The following BTRC variants were observed in gnomAD, a reference collection of about 807,000 sequenced individuals.
BTRC encodes the protein beta-transducin repeat containing E3 ubiquitin protein ligase.
A neutral mutation model predicts 85.5 loss-of-function variants in BTRC; 42 were observed. The observed-to-expected ratio is 0.49, with a 90% confidence interval of 0.38 to 0.64. The LOEUF (loss-of-function observed/expected upper bound fraction) is 0.64. Among genes scored for constraint, BTRC ranks in the 30% least tolerant of loss-of-function variants. BTRC has a pLI of 0.00. For missense variants in BTRC, 594 were observed against 743.5 expected (o/e 0.80, Z 2.34); for synonymous variants, 255 against 263.3 (o/e 0.97, Z 0.30).
chr10:101,429,875 A>G (rs535470500), intron 1 of BTRC, among the ~76,000 whole-genome samples: 34 of 151,904 alleles, frequency 2.2e-4, no homozygotes, highest in African/African-American at 8.0e-4. Context: ...CTAAAAAAAA[A>G]AAAAACTCTC....
rs763270900 is a variant in BTRC at position 101,461,964 on chromosome 10, C to T, written c.157-17C>T. On this transcript the variant is annotated splice_polypyrimidine_tract_variant and intron_variant, in intron 2 of 14. Transcript: ENST00000370187. ...GAAGATAATGAGAACTGAATTAAAG[C>T]TTACTTTCTTTCACAGAATTCCTCA... The T allele has an allele frequency of 1.9e-6, 3 of 1,581,360 alleles. No individual in the cohort carries two copies. In the African/African-American group the frequency reaches 4.1e-5, roughly 21 times the overall value.
chr10:101,478,157 T>C (rs900421769), intron 3 of BTRC, among the ~76,000 whole-genome samples: 4 of 151,746 alleles, frequency 2.6e-5, no homozygotes, highest in Admixed American at 2.6e-4. Context: ...AAAAATTAGC[T>C]GGGCATGGTG....
At chr10:101,533,752 A>G (rs1283144087) in intron 9 of BTRC, among the ~76,000 whole-genome samples, 1 of 152,154 alleles carries the variant, frequency 6.6e-6, no homozygotes, top group Non-Finnish European at 1.5e-5. Context: ...ATTGTTAGAT[A>G]CTCTGAAGTT....
At chr10:101,421,492 GT>G (rs1944098345) in intron 1 of BTRC, among the ~76,000 whole-genome samples, 3 of 151,864 alleles carry the variant, frequency 2.0e-5, no homozygotes, top group Non-Finnish European at 2.9e-5. Flanking sequence ...TATACTTTAA[GT>G]TCTAGGGTAC....
intron 5 of BTRC, among the ~76,000 whole-genome samples, chr10:101,525,179 C>T (rs1318272205): frequency 6.6e-6 from 1 of 152,124 alleles, no homozygotes; most frequent in African/African-American, 2.4e-5. Flanking sequence ...TCTTCTGAGA[C>T]CTCAGTACAG....
intron 1 of BTRC, chr10:101,414,629 G>A (rs946619680): frequency 3.9e-6 from 2 of 517,100 alleles, no homozygotes; most frequent in Non-Finnish European, 7.7e-6. Context: ...GAGATGACAG[G>A]TCCATAGATG....
chr10:101,554,012 C>G lies in BTRC; in HGVS notation c.*889C>G, dbSNP rs2062694325. On this transcript the variant is annotated 3_prime_UTR_variant, in exon 15 of 15. Coordinates refer to ENST00000370187, the MANE Select transcript of BTRC (RefSeq NM_033637.4). ...CTCTCATCATATTTGCAACTCTTCT[C>G]TCTCTTTCTTCCCCACACCCAAGAG... 1 of 152,204 alleles carries G rather than the reference C, an allele frequency of 6.6e-6. No homozygotes were observed. Among genetic ancestry groups the G allele is most frequent in the African/African-American group, 2.4e-5 (1 of 41,424 alleles). The allele number at this position is 152,204 out of a possible 1,614,324, so 9.4% of individuals were successfully genotyped here. A position where few individuals can be genotyped will look rare whatever the true frequency, so the allele number is the denominator to read the frequency against.
At chr10:101,373,019 A>G (rs980537259) in intron 1 of BTRC, among the ~76,000 whole-genome samples, 2 of 152,146 alleles carry the variant, frequency 1.3e-5, no homozygotes, top group Admixed American at 6.5e-5. Flanking sequence ...CCATTTATTT[A>G]GGTTTGAATT....
intron 1 of BTRC, among the ~76,000 whole-genome samples, chr10:101,420,331 C>T (rs1380234039): frequency 1.3e-5 from 2 of 152,106 alleles, no homozygotes; most frequent in East Asian, 3.9e-4. Context: ...CTCCATTTCT[C>T]ACCCCATACT....
Position 101,550,835 on chromosome 10 carries a change from G to C in BTRC, c.1793G>C (p.Arg598Pro), listed in dbSNP as rs202110950. 4.3e-6 allele frequency: 7 copies of C among 1,613,736 alleles called. No individual in the cohort carries two copies. The highest frequency in any genetic ancestry group is 5.9e-6 in the Non-Finnish European group (7 of 1,179,830). ...AQAEPPRSPS[R>P]TYTYISR The stretch of plus-strand genomic sequence containing the variant: ...GCTGAACCCCCCCGTTCCCCTTCTC[G>C]AACATACACCTACATCTCCAGATAA... The change falls in exon 14 of 15, where the codon CGA becomes CCA. Residue 598 changes from arginine to proline, a missense_variant. Arg to Pro is a moderately radical substitution (Grantham distance 103). This residue lies in a region of BTRC where 56 missense variants were observed against 39.6 expected (regional missense o/e 1.41). Transcript: ENST00000370187.
intron 2 of BTRC, among the ~76,000 whole-genome samples, chr10:101,458,384 G>T (rs933435001): frequency 1.3e-5 from 2 of 152,136 alleles, no homozygotes; most frequent in Non-Finnish European, 2.9e-5. Flanking sequence ...AATTTCAAGA[G>T]AATTTTGGGA....
chr10:101,490,983 T>C (rs1474480977), intron 4 of BTRC, among the ~76,000 whole-genome samples: 1 of 151,326 alleles, frequency 6.6e-6, no homozygotes, highest in Non-Finnish European at 1.5e-5. Context: ...CACTTGAACC[T>C]GGGAGGCAGA....
chr10:101,528,634 G>A (rs969866990), intron 6 of BTRC, among the ~76,000 whole-genome samples: 1 of 151,774 alleles, frequency 6.6e-6, no homozygotes, highest in African/African-American at 2.4e-5. Flanking sequence ...TTATTCCCTC[G>A]ACTTTCTTGT....
chr10:101,500,470 CT>C (rs1306064980), intron 4 of BTRC, among the ~76,000 whole-genome samples: 3 of 152,150 alleles, frequency 2.0e-5, no homozygotes, highest in Non-Finnish European at 2.9e-5. Flanking sequence ...GTGTATATAA[CT>C]TTTTGCCTTC....
rs781289551 is a variant in BTRC at position 101,550,854 on chromosome 10, C to T, written c.1812C>T (p.Ser604=). 4 of 1,613,500 alleles carry T rather than the reference C, an allele frequency of 2.5e-6. No individual in the cohort carries two copies. In the Admixed American group the frequency reaches 5.0e-5, roughly 20 times the overall value. Reference sequence around the variant, plus strand: ...CTTCTCGAACATACACCTACATCTCCAGATAAATAACCATACACTGACCTC... The same window carrying T: ...CTTCTCGAACATACACCTACATCTCTAGATAAATAACCATACACTGACCTC... The part of the protein sequence containing the change: ...RSPSRTYTYI[S]R The change falls in exon 14 of 15, where the codon TCC becomes TCT. Residue 604 remains serine (S), a synonymous_variant. Coordinates refer to ENST00000370187, the MANE Select transcript of BTRC (RefSeq NM_033637.4).
At chr10:101,544,673 G>A (rs575795633) in intron 13 of BTRC, among the ~76,000 whole-genome samples, 1 of 152,198 alleles carries the variant, frequency 6.6e-6, no homozygotes, top group Admixed American at 6.5e-5. Context: ...CTCCTGAGTA[G>A]CTGAGATTAT....
At chr10:101,372,264 C>T (rs893438672) in intron 1 of BTRC, among the ~76,000 whole-genome samples, 46 of 141,476 alleles carry the variant, frequency 3.3e-4, no homozygotes, top group African/African-American at 1.0e-3. Context: ...TTTTCTTTTT[C>T]TTTTTTTTTT....
intron 1 of BTRC, among the ~76,000 whole-genome samples, chr10:101,416,230 T>C (rs1445453332): frequency 6.6e-6 from 1 of 152,232 alleles, no homozygotes; most frequent in Non-Finnish European, 1.5e-5. Context: ...TGTATGCATA[T>C]ACTAGATTTT....
At chr10:101,366,919 T>TATATATTAATATATATATTTATATAA (rs1942435065) in intron 1 of BTRC, among the ~76,000 whole-genome samples, 1 of 4,880 alleles carries the variant, frequency 2.0e-4, no homozygotes, top group African/African-American at 4.1e-4. Flanking sequence ...AATATATATT[T>TATATATTAATATATATATTTATATAA]ATATATATTT....
Sources: gnomAD v4.1 joint callset for allele counts (sites outside exome capture counted in the v4.1 genomes callset) on GRCh38, gnomAD v4.1.1 for gene constraint, gnomAD v4.1.1 regional missense constraint, MANE v1.5 for transcripts, NCBI Gene and HGNC (gene_info 2026-07-23, HGNC 2026-07-21) for gene names.